The following UST variants were observed in gnomAD, a reference collection of about 807,000 sequenced individuals.
UST encodes chondroitin sulfate 2-O-sulfotransferase.
In UST, 21 loss-of-function variants were observed where a neutral mutation model predicts 45.6. The observed-to-expected ratio is 0.46, with a 90% CI of 0.33 to 0.66. UST has a LOEUF of 0.66. Among genes scored for constraint, UST ranks in the 30% least tolerant of loss-of-function variants. The pLI, the probability that UST is intolerant of heterozygous loss-of-function variation, is 0.02. For missense variants in UST, 463 were observed against 512.4 expected, an observed-to-expected ratio of 0.90 and a Z score of 0.93; for synonymous variants, 215 against 200.6, an observed-to-expected ratio of 1.07 and a Z score of -0.61.
At chr6:148,860,661 A>G (rs1252917917) in intron 1 of UST, among the ~76,000 whole-genome samples, 1 of 152,066 alleles carries the variant, frequency 6.6e-6, no homozygotes, top group African/African-American at 2.4e-5. Context: ...TTATTTTCAG[A>G]TATGTTCCAT....
At chr6:148,832,133 C>T (rs1358091522) in intron 1 of UST, among the ~76,000 whole-genome samples, 1 of 152,180 alleles carries the variant, frequency 6.6e-6, no homozygotes, top group Admixed American at 6.5e-5. Context: ...TGGGATTGCA[C>T]GCATGCACCA....
chr6:149,044,520 C>T (rs1776370075), intron 7 of UST, among the ~76,000 whole-genome samples: 1 of 152,164 alleles, frequency 6.6e-6, no homozygotes, highest in African/African-American at 2.4e-5. Context: ...TAGTTCGCTG[C>T]CTTTCTACAT....
At chr6:149,036,725 G>A (rs930411205) in intron 7 of UST, among the ~76,000 whole-genome samples, 1 of 152,182 alleles carries the variant, frequency 6.6e-6, no homozygotes, top group Admixed American at 6.5e-5. Flanking sequence ...TGGGATTATA[G>A]TACTGGTAAA....
At chr6:149,053,330 A>G (rs539081875) in intron 7 of UST, among the ~76,000 whole-genome samples, 14 of 152,304 alleles carry the variant, frequency 9.2e-5, no homozygotes, top group African/African-American at 3.1e-4. Flanking sequence ...GTTAAAAAGA[A>G]TTATTGGCCT....
At chr6:148,913,290 A>G (rs555735431) in intron 2 of UST, among the ~76,000 whole-genome samples, 16 of 152,272 alleles carry the variant, frequency 1.1e-4, no homozygotes, top group African/African-American at 3.6e-4. Context: ...GTGCATCGGA[A>G]GGGTAGCTTG....
rs563902476 is a variant in UST at position 148,887,173 on chromosome 6, C to T, written c.291+144C>T. 8 of 688,882 alleles carry T rather than the reference C, an allele frequency of 1.2e-5. No individual in the cohort carries two copies. The African/African-American group carries it at 1.3e-4, about 11-fold the overall frequency. The allele number at this position is 688,882 out of a possible 1,614,324, so 42.7% of individuals were successfully genotyped here. On this transcript the variant is annotated intron_variant, in intron 2 of 7. Coordinates refer to ENST00000367463, the MANE Select transcript of UST (RefSeq NM_005715.3). ...TGTGAAATTGATGTTTAACTTCTAA[C>T]AAGGAGGAAGCAGAAAAGCATGATG...
rs550843791 is a variant in UST, at chr6:148,782,096, T to G, written c.247+34419T>G. On this transcript the variant is annotated intron_variant, in intron 1 of 7. Coordinates refer to ENST00000367463, the MANE Select transcript of UST (RefSeq NM_005715.3). ...TTTATTTAAGAAATACATTTCTTTTTTTTTGAAACTCAGCTCTGTCACCCA... is the reference window on the plus strand; with the variant it reads ...TTTATTTAAGAAATACATTTCTTTTGTTTTGAAACTCAGCTCTGTCACCCA... 2.0e-5 allele frequency among the ~76,000 whole-genome samples: 3 copies of G among 152,344 alleles called. No individual in the cohort carries two copies. In the South Asian group the frequency reaches 6.2e-4, roughly 32 times the overall value.
At position 148,910,065 on chromosome 6, in the gene UST, C is replaced by A. The variant is rs1314828282; in HGVS notation, c.291+23036C>A. Among the ~76,000 whole-genome samples the A allele has an allele frequency of 2.0e-5, 3 of 151,436 alleles. No homozygotes were observed. The East Asian group carries it at 5.8e-4, about 29-fold the overall frequency. The stretch of plus-strand genomic sequence containing the variant: ...TTGGAACTTAGCATTAGTTTGATTA[C>A]CTTGGTAAATACACATACATTTCAC... On this transcript the variant is annotated intron_variant, in intron 2 of 7. Transcript: ENST00000367463.
chr6:148,991,365 A>T (rs574502376), intron 5 of UST, among the ~76,000 whole-genome samples: 1,591 of 152,120 alleles, frequency 0.01, 28 homozygotes, highest in African/African-American at 0.037. Flanking sequence ...TTTAATTTTT[A>T]TTTTTATTAT....
At chr6:148,757,591 C>A (rs1776121892) in intron 1 of UST, among the ~76,000 whole-genome samples, 1 of 152,186 alleles carries the variant, frequency 6.6e-6, no homozygotes, top group African/African-American at 2.4e-5. Flanking sequence ...GTGAAAGATA[C>A]TATAATAACC....
chr6:148,880,539 C>T (rs1340537085), intron 1 of UST, among the ~76,000 whole-genome samples: 1 of 152,246 alleles, frequency 6.6e-6, no homozygotes, highest in Non-Finnish European at 1.5e-5. Flanking sequence ...CAAAGTCCTC[C>T]AAGTGCTCCA....
At chr6:149,024,713 T>C (rs955928307) in intron 7 of UST, among the ~76,000 whole-genome samples, 1 of 152,228 alleles carries the variant, frequency 6.6e-6, no homozygotes, top group Non-Finnish European at 1.5e-5. Context: ...ATTTTTAGTC[T>C]AAGTTCATGT....
At chr6:148,750,286 C>A (rs1775965134) in intron 1 of UST, among the ~76,000 whole-genome samples, 1 of 152,156 alleles carries the variant, frequency 6.6e-6, no homozygotes, top group African/African-American at 2.4e-5. Context: ...ATTAATGACC[C>A]AACCTGTTGT....
intron 1 of UST, among the ~76,000 whole-genome samples, chr6:148,822,889 T>C (rs531583632): frequency 2.0e-5 from 3 of 152,240 alleles, no homozygotes; most frequent in Non-Finnish European, 4.4e-5. Flanking sequence ...TTAATTGTTT[T>C]TATTAATAAA....
intron 2 of UST, among the ~76,000 whole-genome samples, chr6:148,913,160 G>A (rs776078741): frequency 6.6e-6 from 1 of 152,146 alleles, no homozygotes; most frequent in Admixed American, 6.5e-5. Flanking sequence ...CCCTCAGCTT[G>A]CCAATCATTA....
At chr6:148,818,924 GC>G (rs1389405500) in intron 1 of UST, among the ~76,000 whole-genome samples, 9 of 152,184 alleles carry the variant, frequency 5.9e-5, no homozygotes, top group South Asian at 2.1e-4. Flanking sequence ...GTGCCCAACT[GC>G]TAAGGTATTC....
intron 5 of UST, among the ~76,000 whole-genome samples, chr6:148,968,337 C>A (rs1780846836): frequency 6.6e-6 from 1 of 152,212 alleles, no homozygotes; most frequent in Non-Finnish European, 1.5e-5. Flanking sequence ...TCTTCCTTTG[C>A]ATTTCCTGGA....
chr6:149,032,116 G>A (rs757921979), intron 7 of UST, among the ~76,000 whole-genome samples: 3 of 152,150 alleles, frequency 2.0e-5, no homozygotes, highest in Non-Finnish European at 2.9e-5. Context: ...AGAAGGATCC[G>A]CAGCCTCAGC....
intron 2 of UST, among the ~76,000 whole-genome samples, chr6:148,926,899 G>A (rs761118198): frequency 1.4e-4 from 21 of 152,016 alleles, no homozygotes; most frequent in Non-Finnish European, 2.8e-4. Flanking sequence ...TGCTATAGGG[G>A]GTTGTCATTT....
Sources: gnomAD v4.1 joint callset for allele counts (sites outside exome capture counted in the v4.1 genomes callset) on GRCh38, gnomAD v4.1.1 for gene constraint, MANE v1.5 for transcripts, NCBI Gene and HGNC (gene_info 2026-07-23, HGNC 2026-07-21) for gene names.